The following KCNT2 variants were observed in gnomAD, a reference collection of about 807,000 sequenced individuals.
KCNT2 encodes potassium sodium-activated channel subfamily T member 2.
KCNT2 carries 67 observed loss-of-function variants against 153.8 expected under a neutral mutation model. The observed-to-expected ratio is 0.44, with a 90% CI of 0.36 to 0.53. KCNT2 has a LOEUF of 0.53. Among genes scored for constraint, KCNT2 ranks in the 20% least tolerant of loss-of-function variants. The pLI is 0.00. For synonymous variants in KCNT2, 500 were observed against 458.8 expected (o/e 1.09, Z -1.15); for missense variants, 975 against 1,354.8 (o/e 0.72, Z 4.40).
intron 1 of KCNT2, among the ~76,000 whole-genome samples, chr1:196,541,302 T>A (rs982717539): frequency 6.6e-6 from 1 of 152,072 alleles, no homozygotes; most frequent in African/African-American, 2.4e-5. Flanking sequence ...AATTACATTA[T>A]ATAACCCAAC....
At position 196,228,289 on chromosome 1, in the gene KCNT2, G is replaced by A. The variant is rs1653647482; in HGVS notation, c.3343C>T (p.Pro1115Ser). 1 of 1,610,500 alleles carries A rather than the reference G, an allele frequency of 6.2e-7. No homozygotes were observed. The highest frequency in any genetic ancestry group is 1.1e-5 in the South Asian group (1 of 90,758). ...DPLAYLPNSE[P>S]SRRNSICNVT... ...TTGCAGATGCTGTTTCTTCGACTGGGCTCACTGTTTGGAAGGTAGGCCAGT... is the reference window on the plus strand; with the variant it reads ...TTGCAGATGCTGTTTCTTCGACTGGACTCACTGTTTGGAAGGTAGGCCAGT... Residue 1115 changes from proline (P) to serine (S), a missense_variant, in exon 28 of 28, where the codon CCC becomes TCC. Around this residue, in one of 6 missense-constraint regions of KCNT2, gnomAD observed 241 missense variants for 271.1 expected, o/e 0.89. Transcript: ENST00000294725.
intron 12 of KCNT2, among the ~76,000 whole-genome samples, chr1:196,422,654 G>A (rs575398134): frequency 6.6e-6 from 1 of 151,788 alleles, no homozygotes; most frequent in African/African-American, 2.4e-5. Context: ...TTGAATAGAA[G>A]GTTCTCAAAT....
chr1:196,539,968 T>C (rs1656118789), intron 1 of KCNT2, among the ~76,000 whole-genome samples: 1 of 152,076 alleles, frequency 6.6e-6, no homozygotes, highest in East Asian at 1.9e-4. Flanking sequence ...TACTCTGAAA[T>C]AATTTATTGA....
At chr1:196,400,063 T>G (rs1214811215) in intron 12 of KCNT2, among the ~76,000 whole-genome samples, 1 of 151,856 alleles carries the variant, frequency 6.6e-6, no homozygotes, top group Non-Finnish European at 1.5e-5. Context: ...TGATGAATAG[T>G]AGTCCAGCAT....
chr1:196,278,418 G>A (rs541917188), intron 25 of KCNT2, among the ~76,000 whole-genome samples: 4 of 151,998 alleles, frequency 2.6e-5, no homozygotes, highest in East Asian at 1.9e-4. Context: ...AAAAACAAGA[G>A]GCATTATTTT....
chr1:196,486,355 C>T (rs1299313129), intron 3 of KCNT2, among the ~76,000 whole-genome samples: 1 of 151,806 alleles, frequency 6.6e-6, no homozygotes, highest in Non-Finnish European at 1.5e-5. Context: ...AAATATATAT[C>T]ATTTAGTTAT....
chr1:196,514,584 C>G (rs572769590), intron 1 of KCNT2, among the ~76,000 whole-genome samples: 1 of 152,250 alleles, frequency 6.6e-6, no homozygotes, highest in East Asian at 1.9e-4. Flanking sequence ...TATGTGAACA[C>G]TTACTTAAAC....
intron 16 of KCNT2, among the ~76,000 whole-genome samples, chr1:196,338,894 A>G (rs1572091450): frequency 6.9e-6 from 1 of 145,036 alleles, no homozygotes; most frequent in African/African-American, 2.6e-5. Context: ...GGTGGTGAAA[A>G]GTCAGAATGG....
intron 3 of KCNT2, among the ~76,000 whole-genome samples, chr1:196,486,593 A>T (rs535832420): frequency 6.6e-6 from 1 of 152,048 alleles, no homozygotes; most frequent in South Asian, 2.1e-4. Flanking sequence ...TCAGGAGGTG[A>T]ATACATTTAG....
chr1:196,305,199 T>C (rs1297183287), intron 22 of KCNT2, 35 bp downstream of exon 22: 1 of 1,203,142 alleles, frequency 8.3e-7, no homozygotes, highest in South Asian at 1.2e-5. Context: ...ATAAAGATGG[T>C]TAAATCTAAT....
At position 196,258,432 on chromosome 1, in the gene KCNT2, G is replaced by T. The variant is rs371836559; in HGVS notation, c.2973C>A (p.His991Gln). The T allele has an allele frequency of 1.9e-6, 3 of 1,613,892 alleles. No homozygotes were observed. The highest frequency in any genetic ancestry group is 1.3e-5 in the African/African-American group (1 of 74,998). The change falls in exon 26 of 28, where the codon CAC becomes CAA. Residue 991 changes from histidine to glutamine, a missense_variant. By Grantham distance (24) the His-to-Gln change is conservative. Around this residue, in one of 6 missense-constraint regions of KCNT2, gnomAD observed 241 missense variants for 271.1 expected, o/e 0.89. Coordinates refer to ENST00000294725, the MANE Select transcript of KCNT2 (RefSeq NM_198503.5). Reference sequence around the variant, plus strand: ...TTGAGTTGCGGTGGTTGCTGCGGTGGTGCCCTTGTTCTTTGGAGTCTTTGG... The same window carrying T: ...TTGAGTTGCGGTGGTTGCTGCGGTGTTGCCCTTGTTCTTTGGAGTCTTTGG... ...EDTKDSKEQG[H>Q]HRSNHRNSTS... is the part of the protein sequence containing the mutation.
intron 1 of KCNT2, among the ~76,000 whole-genome samples, chr1:196,562,087 T>G (rs1407668117): frequency 6.6e-6 from 1 of 151,962 alleles, no homozygotes; most frequent in Non-Finnish European, 1.5e-5. Flanking sequence ...GGCCCTTAGT[T>G]AATTCTCTCC....
intron 26 of KCNT2, among the ~76,000 whole-genome samples, chr1:196,237,575 T>C (rs971958057): frequency 6.6e-6 from 1 of 151,834 alleles, no homozygotes; most frequent in Non-Finnish European, 1.5e-5. Flanking sequence ...CTACCATTTT[T>C]GTTGCTGTTG....
intron 1 of KCNT2, among the ~76,000 whole-genome samples, chr1:196,598,010 T>A (rs1279973752): frequency 1.3e-5 from 2 of 152,110 alleles, no homozygotes; most frequent in Non-Finnish European, 2.9e-5. Context: ...GATAGAAGCA[T>A]AAATAGGAAA....
intron 25 of KCNT2, among the ~76,000 whole-genome samples, chr1:196,276,659 C>T (rs1658598956): frequency 1.3e-5 from 2 of 152,012 alleles, no homozygotes; most frequent in African/African-American, 4.8e-5. Flanking sequence ...TTTCCTTAGA[C>T]AGCAGACTTG....
intron 5 of KCNT2, among the ~76,000 whole-genome samples, chr1:196,471,037 C>A (rs150321885): frequency 6.6e-6 from 1 of 151,478 alleles, no homozygotes; most frequent in Non-Finnish European, 1.5e-5. Flanking sequence ...CCCACCACCA[C>A]GCCCGGCTAA....
At chr1:196,570,331 A>T (rs575385313) in intron 1 of KCNT2, among the ~76,000 whole-genome samples, 32 of 152,074 alleles carry the variant, frequency 2.1e-4, no homozygotes, top group Non-Finnish European at 4.4e-4. Flanking sequence ...AGTGCATTTG[A>T]TTACATAATT....
chr1:196,337,628 G>A (rs1461084712), intron 16 of KCNT2, among the ~76,000 whole-genome samples: 3 of 152,132 alleles, frequency 2.0e-5, no homozygotes, highest in South Asian at 4.2e-4. Flanking sequence ...CCCCAGCCAG[G>A]CTCCCACTTT....
chr1:196,333,234 AT>A (rs1216996611), intron 17 of KCNT2, among the ~76,000 whole-genome samples: 4 of 152,024 alleles, frequency 2.6e-5, no homozygotes, highest in Non-Finnish European at 5.9e-5. Flanking sequence ...AAGAATGACA[AT>A]TTAATATGTG....
Sources: gnomAD v4.1 joint callset for allele counts (sites outside exome capture counted in the v4.1 genomes callset) on GRCh38, gnomAD v4.1.1 for gene constraint, gnomAD v4.1.1 regional missense constraint, MANE v1.5 for transcripts, NCBI Gene and HGNC (gene_info 2026-07-23, HGNC 2026-07-21) for gene names.